LRIG1: variants seen among roughly 807,000 people sequenced by gnomAD.
The protein encoded by LRIG1 is leucine rich repeats and immunoglobulin like domains 1, also known as leucine-rich repeats and immunoglobulin-like domains protein 1.
LRIG1 carries 48 observed loss-of-function variants against 99.2 expected under a neutral mutation model. The ratio of observed to expected loss-of-function variants is 0.48; its 90% CI spans 0.38 to 0.62. The LOEUF is 0.62. Among genes scored for constraint, LRIG1 ranks in the 20% least tolerant of loss-of-function variants. The pLI is 0.00. For synonymous variants in LRIG1, 772 were observed against 596.1 expected (o/e 1.29, Z -4.30); for missense variants, 1,646 against 1,434.4 (o/e 1.15, Z -2.38).
intron 13 of LRIG1, among the ~76,000 whole-genome samples, chr3:66,384,635 G>A (rs1021001718): frequency 6.6e-5 from 10 of 152,014 alleles, no homozygotes; most frequent in Non-Finnish European, 1.0e-4. Flanking sequence ...CTGTGGAGAT[G>A]GAATTACAGA....
chr3:66,429,210 C>G (rs779888706), intron 3 of LRIG1, among the ~76,000 whole-genome samples: 22 of 152,328 alleles, frequency 1.4e-4, no homozygotes, highest in Admixed American at 2.6e-4. Context: ...GACCTTGCTA[C>G]AGCAGATCCC....
At chr3:66,444,384 GC>G (rs80353954) in intron 3 of LRIG1, among the ~76,000 whole-genome samples, 37,192 of 152,116 alleles carry the variant, frequency 0.24, 5,542 homozygotes, top group East Asian at 0.66. Context: ...CTGCCCCAGA[GC>G]CTTTCTCAGA....
At chr3:66,404,225 C>T (rs1193188195) in intron 9 of LRIG1, 2 of 1,288,086 alleles carry the variant, frequency 1.6e-6, no homozygotes, top group South Asian at 1.2e-5. Context: ...TATAAAAAGA[C>T]TCTCCCTACC....
chr3:66,465,847 G>A (rs997317352), intron 1 of LRIG1, among the ~76,000 whole-genome samples: 2 of 152,060 alleles, frequency 1.3e-5, no homozygotes, highest in African/African-American at 4.8e-5. Context: ...TGTACTCACT[G>A]AACACTAGCT....
chr3:66,397,823 C>T (rs1701914066), intron 11 of LRIG1, among the ~76,000 whole-genome samples: 1 of 152,236 alleles, frequency 6.6e-6, no homozygotes, highest in Non-Finnish European at 1.5e-5. Context: ...GTATATTTCA[C>T]ATTGCCTAGA....
chr3:66,499,560 C>G (rs1701306270), intron 1 of LRIG1, among the ~76,000 whole-genome samples: 1 of 152,172 alleles, frequency 6.6e-6, no homozygotes, highest in Non-Finnish European at 1.5e-5. Flanking sequence ...TGTCAAAGCC[C>G]TCTAACTCAG....
chr3:66,425,837 C>T (rs1423332670), intron 3 of LRIG1, among the ~76,000 whole-genome samples: 1 of 152,236 alleles, frequency 6.6e-6, no homozygotes, highest in African/African-American at 2.4e-5. Flanking sequence ...CTGTTAAAGG[C>T]TTCAAAAATA....
intron 6 of LRIG1, among the ~76,000 whole-genome samples, chr3:66,410,529 T>A (rs1481340287): frequency 2.6e-5 from 4 of 152,186 alleles, no homozygotes; most frequent in African/African-American, 7.2e-5. Context: ...TTCCTAGAAG[T>A]GACTTTTTTG....
intron 1 of LRIG1, among the ~76,000 whole-genome samples, chr3:66,495,543 T>C (rs1352865680): frequency 2.0e-5 from 3 of 152,240 alleles, no homozygotes; most frequent in East Asian, 1.9e-4. Context: ...ATCCCTTTTA[T>C]GTTTTAAACA....
chr3:66,420,235 C>T (rs1702758854), intron 3 of LRIG1, among the ~76,000 whole-genome samples: 1 of 152,138 alleles, frequency 6.6e-6, no homozygotes, highest in African/African-American at 2.4e-5. Flanking sequence ...AAACCACAAC[C>T]ACAATGAGAA....
chr3:66,417,083 C>A (rs1482611780), intron 4 of LRIG1, 46 bp downstream of exon 4: 1 of 1,601,736 alleles, frequency 6.2e-7, no homozygotes, highest in Admixed American at 1.7e-5. Context: ...TGTTAGCTGG[C>A]TGGACACAGC....
intron 12 of LRIG1, among the ~76,000 whole-genome samples, chr3:66,389,442 CTA>C (rs1701529531): frequency 6.6e-6 from 1 of 152,072 alleles, no homozygotes; most frequent in Admixed American, 6.6e-5. Flanking sequence ...ATAAAAAAAA[CTA>C]TGATCCAGCT....
intron 1 of LRIG1, among the ~76,000 whole-genome samples, chr3:66,491,962 T>TC (rs1447085968): frequency 6.6e-6 from 1 of 152,176 alleles, no homozygotes; most frequent in Non-Finnish European, 1.5e-5. Context: ...TATCAACTGT[T>TC]CCCTTAATTC....
chr3:66,405,812 C>A, intron 8 of LRIG1: 1 of 1,168,918 alleles, frequency 8.6e-7, no homozygotes, highest in Non-Finnish European at 1.1e-6. Context: ...GGCGCTGACT[C>A]TGAGCCAGGG....
chr3:66,423,245 A>T (rs1475248247), intron 3 of LRIG1, among the ~76,000 whole-genome samples: 1 of 152,214 alleles, frequency 6.6e-6, no homozygotes, highest in Non-Finnish European at 1.5e-5. Context: ...CAGATGGTAA[A>T]TTTTATGTTA....
At chr3:66,472,493 C>T (rs927310917) in intron 1 of LRIG1, among the ~76,000 whole-genome samples, 2 of 152,000 alleles carry the variant, frequency 1.3e-5, no homozygotes, top group African/African-American at 4.8e-5. Flanking sequence ...AATGATTCAC[C>T]ACTTAACGGT....
intron 2 of LRIG1, among the ~76,000 whole-genome samples, chr3:66,457,759 G>A (rs1700263436): frequency 6.6e-6 from 1 of 152,198 alleles, no homozygotes; most frequent in Non-Finnish European, 1.5e-5. Flanking sequence ...ACCAAAATGA[G>A]AGTTTTTCCC....
intron 2 of LRIG1, among the ~76,000 whole-genome samples, chr3:66,454,273 T>C (rs185957227): frequency 6.6e-6 from 1 of 152,264 alleles, no homozygotes; most frequent in Non-Finnish European, 1.5e-5. Flanking sequence ...GAAACAAGAA[T>C]ACTCTCCTCA....
intron 12 of LRIG1, among the ~76,000 whole-genome samples, chr3:66,391,762 GATATATAAATTAT>G (rs1357663318): frequency 6.6e-5 from 10 of 152,278 alleles, no homozygotes; most frequent in Admixed American, 1.3e-4. Context: ...AAATTTTTAT[GATATATAAATTAT>G]ATTTCTTTTT....
Sources: gnomAD v4.1 joint callset for allele counts (sites outside exome capture counted in the v4.1 genomes callset) on GRCh38, gnomAD v4.1.1 for gene constraint, MANE v1.5 for transcripts, NCBI Gene and HGNC (gene_info 2026-07-23, HGNC 2026-07-21) for gene names.